The following TAFA5 variants were observed in gnomAD, a reference collection of about 807,000 sequenced individuals.
TAFA5 encodes chemokine-like protein TAFA-5.
TAFA5 carries 6 observed loss-of-function variants against 15.3 expected under a neutral mutation model. That is an observed-to-expected ratio of 0.39 (90% CI 0.21 to 0.77). TAFA5 has a LOEUF of 0.77. Ranked by LOEUF, TAFA5 falls within the 30% of genes least tolerant of loss-of-function variation. TAFA5 has a pLI of 0.41. For missense variants in TAFA5, 161 were observed against 193.1 expected (o/e 0.83, Z 0.98); for synonymous variants, 103 against 80.7 (o/e 1.28, Z -1.48).
chr22:48,748,084 C>T (rs933692193), intron 3 of TAFA5, among the ~76,000 whole-genome samples: 2 of 152,170 alleles, frequency 1.3e-5, no homozygotes, highest in African/African-American at 4.8e-5. Flanking sequence ...GCTGAACACG[C>T]GCTCCACAGG....
At chr22:48,703,801 A>G (rs1465295718) in intron 2 of TAFA5, among the ~76,000 whole-genome samples, 1 of 152,152 alleles carries the variant, frequency 6.6e-6, no homozygotes, top group Non-Finnish European at 1.5e-5. Context: ...CTGCCCTCGG[A>G]CACCACCCAC....
intron 1 of TAFA5, among the ~76,000 whole-genome samples, chr22:48,502,253 T>C (rs563616032): frequency 6.6e-6 from 1 of 152,334 alleles, no homozygotes; most frequent in East Asian, 1.9e-4. Flanking sequence ...TTGAGGCCGA[T>C]GGTCTGAGAT....
At chr22:48,588,227 G>A (rs1924430868) in intron 1 of TAFA5, among the ~76,000 whole-genome samples, 1 of 152,360 alleles carries the variant, frequency 6.6e-6, no homozygotes, top group Middle Eastern at 3.4e-3. Context: ...GAGGGGCCTG[G>A]CCATGACCGC....
chr22:48,535,379 A>G (rs1922119620), intron 1 of TAFA5, among the ~76,000 whole-genome samples: 1 of 152,236 alleles, frequency 6.6e-6, no homozygotes, highest in African/African-American at 2.4e-5. Flanking sequence ...ATGGCCTTAG[A>G]AGAAATGTCT....
chr22:48,541,157 G>A (rs1476579838), intron 1 of TAFA5, among the ~76,000 whole-genome samples: 1 of 152,134 alleles, frequency 6.6e-6, no homozygotes, highest in Non-Finnish European at 1.5e-5. Flanking sequence ...TGGACCCAGA[G>A]ACACCAGGAC....
chr22:48,560,567 TTTATTA>T lies in TAFA5; in HGVS notation c.112+70883_112+70888del, dbSNP rs369448502. On this transcript the variant is annotated intron_variant, in intron 1 of 3. Coordinates refer to ENST00000402357, the MANE Select transcript of TAFA5 (RefSeq NM_001082967.3). The surrounding 1 kb of genome is among the most constrained non-coding windows in gnomAD (Gnocchi z 4.2). ...CACTGGGCCATGAAAAACGTTGTAT[TTTATTA>T]TTATTATTATTATTATTATATTATT... is the stretch of plus-strand genomic sequence containing the variant. 1.5e-4 allele frequency among the ~76,000 whole-genome samples: 22 copies of T among 144,226 alleles called. No individual in the cohort carries two copies. The highest frequency in any genetic ancestry group is 8.6e-4 in the South Asian group (4 of 4,632). The allele number at this position is 144,226 out of a possible 152,430, so 94.6% of individuals were successfully genotyped here.
At chr22:48,517,132 G>A (rs1921438591) in intron 1 of TAFA5, among the ~76,000 whole-genome samples, 1 of 151,988 alleles carries the variant, frequency 6.6e-6, no homozygotes, top group Non-Finnish European at 1.5e-5. Context: ...TCCCAGCCCC[G>A]GAAGCTCCTG....
chr22:48,592,506 C>A lies in TAFA5; in HGVS notation c.113-54091C>A, dbSNP rs190456355. On this transcript the variant is annotated intron_variant, in intron 1 of 3. Transcript: ENST00000402357. ...CTCATGCCCAGCCCTGGGTCCAGGTCTCTTCCCCCTCCTGCTGTCCCAGCC... is the reference window on the plus strand; with the variant it reads ...CTCATGCCCAGCCCTGGGTCCAGGTATCTTCCCCCTCCTGCTGTCCCAGCC... Among the ~76,000 whole-genome samples the A allele has an allele frequency of 2.6e-5, 4 of 152,218 alleles. 1 individual carries two copies. The South Asian group carries it at 6.2e-4, about 24-fold the overall frequency.
chr22:48,696,951 G>C (rs1334866317), intron 2 of TAFA5, among the ~76,000 whole-genome samples: 1 of 152,208 alleles, frequency 6.6e-6, no homozygotes, highest in Non-Finnish European at 1.5e-5. Flanking sequence ...CCTTATTGGA[G>C]CCCCAATGGT....
intron 1 of TAFA5, among the ~76,000 whole-genome samples, chr22:48,611,676 C>G (rs1460247421): frequency 6.6e-6 from 1 of 152,146 alleles, no homozygotes; most frequent in Non-Finnish European, 1.5e-5. Context: ...CCTTTCTTGC[C>G]TCTCCTGGTA....
intron 1 of TAFA5, chr22:48,539,302 T>G (rs1016490846): frequency 6.5e-6 from 3 of 465,094 alleles, no homozygotes; most frequent in African/African-American, 6.0e-5. Context: ...CCTAAATTGG[T>G]TTATTTGCCA....
In TAFA5 at chr22:48,679,004, TC is replaced by T. The variant is rs1421410239; in HGVS notation, c.263-28710del. 3.3e-4 allele frequency among the ~76,000 whole-genome samples: 19 copies of T among 58,048 alleles called. No homozygotes were observed. The East Asian group carries it at 9.6e-3, about 29-fold the overall frequency. The allele number at this position is 58,048 out of a possible 152,430, so 38.1% of individuals were successfully genotyped here. On this transcript the variant is annotated intron_variant, in intron 2 of 3. Coordinates refer to ENST00000402357, the MANE Select transcript of TAFA5 (RefSeq NM_001082967.3). The stretch of plus-strand genomic sequence containing the variant: ...CATCCCTCTCCCGGCTCCCCGTCCA[TC>T]CCTCTCCCGGCTCCGCGTCCATCCC...
chr22:48,662,007 C>A (rs1927459290), intron 2 of TAFA5, among the ~76,000 whole-genome samples: 1 of 134,618 alleles, frequency 7.4e-6, no homozygotes, highest in Admixed American at 7.2e-5. Flanking sequence ...CATTGGGGTG[C>A]CTACTTTGGG....
At chr22:48,707,485 C>G (rs533813326) in intron 2 of TAFA5, among the ~76,000 whole-genome samples, 2 of 152,316 alleles carry the variant, frequency 1.3e-5, no homozygotes, top group African/African-American at 2.4e-5. Context: ...GCTTGCTGCT[C>G]CACGACTGGC....
chr22:48,546,384 G>C (rs995136747), intron 1 of TAFA5: 1 of 425,400 alleles, frequency 2.4e-6, no homozygotes, highest in African/African-American at 2.0e-5. Context: ...AACACATGCT[G>C]TGCTGAGCAC....
intron 1 of TAFA5, among the ~76,000 whole-genome samples, chr22:48,531,488 TG>T (rs1335717646): frequency 6.6e-6 from 1 of 152,204 alleles, no homozygotes; most frequent in Non-Finnish European, 1.5e-5. Flanking sequence ...TCGAGGTCCC[TG>T]AGGCCACAGT....
chr22:48,690,115 C>G (rs1283979889), intron 2 of TAFA5, among the ~76,000 whole-genome samples: 3 of 151,980 alleles, frequency 2.0e-5, no homozygotes, highest in African/African-American at 7.2e-5. Flanking sequence ...GGGGCCTGTG[C>G]TCCCCCCACC....
chr22:48,579,868 G>A (rs996938907), intron 1 of TAFA5, among the ~76,000 whole-genome samples: 2 of 152,188 alleles, frequency 1.3e-5, no homozygotes, highest in Non-Finnish European at 2.9e-5. Context: ...TGAGAAAGCC[G>A]GGAAATCATT....
At chr22:48,561,301 G>T (rs1923221377) in intron 1 of TAFA5, among the ~76,000 whole-genome samples, 1 of 152,130 alleles carries the variant, frequency 6.6e-6, no homozygotes, top group Admixed American at 6.5e-5. Context: ...CGTCCGCAGG[G>T]ATAGCCGAGT....
Sources: allele counts gnomAD v4.1 joint callset (sites outside exome capture counted in the v4.1 genomes callset), GRCh38; gene constraint gnomAD v4.1.1; non-coding constraint Gnocchi (gnomAD v3.1); transcripts MANE v1.5; gene names NCBI Gene and HGNC (gene_info 2026-07-23, HGNC 2026-07-21).